The following TRPM3 variants were observed in gnomAD, a reference collection of about 807,000 sequenced individuals.
TRPM3 encodes transient receptor potential cation channel subfamily M member 3, also known as long transient receptor potential channel 3.
TRPM3 carries 77 observed loss-of-function variants against 181.2 expected under a neutral mutation model. The ratio of observed to expected loss-of-function variants is 0.42; its 90% CI spans 0.35 to 0.51. TRPM3 has a LOEUF of 0.51. Among genes scored for constraint, TRPM3 ranks in the 20% least tolerant of loss-of-function variants. The probability of loss-of-function intolerance (pLI) is 0.01; values close to 1 mark genes in which losing one functional copy is unlikely to be tolerated. For synonymous variants in TRPM3, 745 were observed against 796.4 expected, an observed-to-expected ratio of 0.94 and a Z score of 1.09; for missense variants, 1,759 against 2,196.7, an observed-to-expected ratio of 0.80 and a Z score of 3.98.
intron 9 of TRPM3, among the ~76,000 whole-genome samples, chr9:70,665,162 G>A (rs117128291): frequency 4.0e-5 from 6 of 151,862 alleles, no homozygotes; most frequent in East Asian, 3.9e-4. Context: ...TCCTCTTCCC[G>A]GGTCTAGGGA....
chr9:71,025,610 A>T (rs183585864), intron 1 of TRPM3, among the ~76,000 whole-genome samples: 110 of 152,336 alleles, frequency 7.2e-4, no homozygotes, highest in Admixed American at 1.4e-3. Flanking sequence ...CAATATACAC[A>T]ATATGTAGCG....
At chr9:70,664,643 T>G (rs1242632531) in intron 9 of TRPM3, among the ~76,000 whole-genome samples, 5 of 17,366 alleles carry the variant, frequency 2.9e-4, no homozygotes, top group Non-Finnish European at 7.2e-4. Flanking sequence ...GGAGAGTAGT[T>G]TTTTTTTTTT....
intron 5 of TRPM3, among the ~76,000 whole-genome samples, chr9:70,836,030 A>G (rs1034426081): frequency 2.6e-5 from 4 of 152,180 alleles, no homozygotes; most frequent in African/African-American, 4.8e-5. Flanking sequence ...AGTGAGCTCT[A>G]CAGAAATGTG....
At chr9:71,312,787 C>T (rs1246177799) in intron 1 of TRPM3, among the ~76,000 whole-genome samples, 4 of 151,970 alleles carry the variant, frequency 2.6e-5, no homozygotes, top group African/African-American at 9.7e-5. Flanking sequence ...TTGAGAGTAA[C>T]CAATCTGAAA....
At chr9:71,139,760 C>G (rs990407553) in intron 1 of TRPM3, among the ~76,000 whole-genome samples, 9 of 152,156 alleles carry the variant, frequency 5.9e-5, no homozygotes, top group African/African-American at 2.2e-4. Context: ...CCAACAGGGA[C>G]ACGTACTCTT....
At chr9:70,681,260 C>T (rs572326445) in intron 9 of TRPM3, among the ~76,000 whole-genome samples, 9 of 152,070 alleles carry the variant, frequency 5.9e-5, no homozygotes, top group South Asian at 2.1e-4. Context: ...TCTTTATATA[C>T]GTTTATAATT....
At chr9:71,159,960 A>G (rs886361549) in intron 1 of TRPM3, among the ~76,000 whole-genome samples, 1 of 152,116 alleles carries the variant, frequency 6.6e-6, no homozygotes, top group Admixed American at 6.6e-5. Flanking sequence ...AGGAAGCAAG[A>G]AAGTCCTTAA....
Position 71,340,640 on chromosome 9 carries a change from T to G in TRPM3, c.183+106013A>C, listed in dbSNP as rs935954824. Among the ~76,000 whole-genome samples the G allele has an allele frequency of 2.6e-5, 4 of 152,106 alleles. No homozygotes were observed. The East Asian group carries it at 7.7e-4, about 29-fold the overall frequency. On this transcript the variant is annotated intron_variant, in intron 1 of 24. Coordinates refer to the TRPM3 transcript ENST00000357533. ...TTAAGTCCAATAAACCTCTTTCTTT[T>G]AGAAATTGCCCAGTCTTGGGTATGT...
intron 1 of TRPM3, among the ~76,000 whole-genome samples, chr9:71,365,023 T>C (rs1048208525): frequency 6.6e-6 from 1 of 152,144 alleles, no homozygotes; most frequent in Non-Finnish European, 1.5e-5. Context: ...GACCCGATGT[T>C]AGTCACACCA....
intron 1 of TRPM3, among the ~76,000 whole-genome samples, chr9:71,284,639 A>T (rs1327812743): frequency 6.6e-6 from 1 of 152,228 alleles, no homozygotes; most frequent in African/African-American, 2.4e-5. Flanking sequence ...TAAGCCATAA[A>T]TTAGTAGAAT....
intron 9 of TRPM3, among the ~76,000 whole-genome samples, chr9:70,661,105 C>A (rs978914117): frequency 6.6e-6 from 1 of 151,010 alleles, no homozygotes; most frequent in Non-Finnish European, 1.5e-5. Flanking sequence ...TGGTTTCATA[C>A]CAGGAATGCA....
chr9:70,969,864 C>G (rs1272171925), intron 1 of TRPM3, among the ~76,000 whole-genome samples: 3 of 151,084 alleles, frequency 2.0e-5, no homozygotes, highest in African/African-American at 7.3e-5. Flanking sequence ...TGAATGGTAA[C>G]TCTTATTACC....
intron 1 of TRPM3, among the ~76,000 whole-genome samples, chr9:71,382,747 C>T (rs2092833178): frequency 6.6e-6 from 1 of 150,916 alleles, no homozygotes; most frequent in Non-Finnish European, 1.5e-5. Context: ...CTCTTGAACA[C>T]AGATTCTTTG....
chr9:71,014,193 G>T (rs182357978), intron 1 of TRPM3, among the ~76,000 whole-genome samples: 183 of 151,988 alleles, frequency 1.2e-3, no homozygotes, highest in Non-Finnish European at 2.2e-3. Flanking sequence ...GTTTAATAGT[G>T]AGTTTTATAT....
At chr9:70,691,822 C>T (rs1441037830) in intron 8 of TRPM3, among the ~76,000 whole-genome samples, 3 of 152,154 alleles carry the variant, frequency 2.0e-5, no homozygotes, top group Admixed American at 1.3e-4. Flanking sequence ...CTCAAAGACA[C>T]TACTGAGACT....
At chr9:71,446,736 C>T (rs868178623) in exon 1 of TRPM3, 2 of 1,550,576 alleles carry the variant, frequency 1.3e-6, no homozygotes, top group African/African-American at 1.4e-5. Context: ...GCAAACCTGC[C>T]CCGGCTGGCG....
intron 22 of TRPM3, among the ~76,000 whole-genome samples, chr9:70,561,809 G>A (rs1357534849): frequency 6.6e-6 from 1 of 152,128 alleles, no homozygotes; most frequent in Non-Finnish European, 1.5e-5. Flanking sequence ...AGTCCAAGAT[G>A]GCTTTAGGAC....
intron 1 of TRPM3, among the ~76,000 whole-genome samples, chr9:71,438,086 A>G (rs2094074994): frequency 6.6e-6 from 1 of 152,202 alleles, no homozygotes; most frequent in Non-Finnish European, 1.5e-5. Context: ...TACAATGGAC[A>G]GAGAAACATC....
At chr9:70,930,574 G>T (rs2096766003) in intron 1 of TRPM3, among the ~76,000 whole-genome samples, 1 of 152,106 alleles carries the variant, frequency 6.6e-6, no homozygotes, top group African/African-American at 2.4e-5. Flanking sequence ...TAAGTAAAAT[G>T]TTAAGGATAG....
Sources: allele counts gnomAD v4.1 joint callset (sites outside exome capture counted in the v4.1 genomes callset), GRCh38; gene constraint gnomAD v4.1.1; transcripts MANE v1.5; gene names NCBI Gene and HGNC (gene_info 2026-07-23, HGNC 2026-07-21).